TULP4: variants seen among roughly 807,000 people sequenced by gnomAD.
TULP4 encodes TUB like protein 4, also known as tubby-related protein 4.
A neutral mutation model predicts 129.0 loss-of-function variants in TULP4; 16 were observed. That is an observed-to-expected ratio of 0.12 (90% CI 0.08 to 0.19). The LOEUF (loss-of-function observed/expected upper bound fraction) is 0.19, where lower values mean the gene tolerates loss of function less well. Among genes scored for constraint, TULP4 ranks in the 10% least tolerant of loss-of-function variants. The probability of loss-of-function intolerance (pLI) is 1.00; values close to 1 mark genes in which losing one functional copy is unlikely to be tolerated. For synonymous variants in TULP4, 998 were observed against 854.0 expected, an observed-to-expected ratio of 1.17 and a Z score of -2.94; for missense variants, 1,842 against 2,059.1, an observed-to-expected ratio of 0.89 and a Z score of 2.04.
chr6:158,367,565 A>G (rs546651673), intron 1 of TULP4, among the ~76,000 whole-genome samples: 2 of 152,364 alleles, frequency 1.3e-5, no homozygotes, highest in African/African-American at 2.4e-5. Flanking sequence ...GACTGAACAC[A>G]AACCAAAAAC....
intron 6 of TULP4, among the ~76,000 whole-genome samples, chr6:158,461,952 G>GT (rs1215791089): frequency 2.0e-5 from 3 of 152,150 alleles, no homozygotes; most frequent in African/African-American, 7.2e-5. Context: ...GTAAGCTGGT[G>GT]TTTATCATCA....
intron 1 of TULP4, among the ~76,000 whole-genome samples, chr6:158,407,451 T>C (rs1777996622): frequency 6.6e-6 from 1 of 152,192 alleles, no homozygotes. Flanking sequence ...ACCAGTCCTG[T>C]AGTTCCTCAA....
In TULP4 at chr6:158,331,747, G is replaced by GTATATATATATA. The variant is rs1194424498; in HGVS notation, c.252+17485_252+17486insTATATATATATA. 4.1e-4 allele frequency among the ~76,000 whole-genome samples: 12 copies of GTATATATATATA among 29,220 alleles called. 2 individuals carry two copies. The highest frequency in any genetic ancestry group is 1.1e-3 in the Admixed American group (2 of 1,804). The allele number at this position is 29,220 out of a possible 152,430, so 19.2% of individuals were successfully genotyped here. A position where few individuals can be genotyped will look rare whatever the true frequency, so the allele number is the denominator to read the frequency against. Reference sequence around the variant, plus strand: ...CACACACATACGTATATATATACGTGTATATACACGTGTATATATACACGT... The same window carrying GTATATATATATA: ...CACACACATACGTATATATATACGTGTATATATATATATATATACACGTGTATATATACACGT... On this transcript the variant is annotated intron_variant, in intron 1 of 13. Coordinates refer to ENST00000367097, the MANE Select transcript of TULP4 (RefSeq NM_020245.5).
At chr6:158,312,055 G>C (rs1282492237), upstream of TULP4, 1 of 379,086 alleles carries the variant, frequency 2.6e-6, no homozygotes, top group Non-Finnish European at 4.6e-6. Flanking sequence ...AAACAGATTT[G>C]TAAGACTCCA....
chr6:158,370,502 C>T (rs1777048614), intron 1 of TULP4, among the ~76,000 whole-genome samples: 1 of 150,500 alleles, frequency 6.6e-6, no homozygotes, highest in Non-Finnish European at 1.5e-5. Flanking sequence ...CACTGCACTC[C>T]AGCCTGAATG....
chr6:158,481,912 G>T (rs1779955582), intron 8 of TULP4, among the ~76,000 whole-genome samples: 1 of 152,156 alleles, frequency 6.6e-6, no homozygotes. Context: ...CAGAGGGAAG[G>T]GACTTTGTTC....
At chr6:158,369,810 A>T (rs1777033335) in intron 1 of TULP4, among the ~76,000 whole-genome samples, 1 of 152,150 alleles carries the variant, frequency 6.6e-6, no homozygotes, top group South Asian at 2.1e-4. Flanking sequence ...TGGCAAGCAG[A>T]CAGAGGGGGA....
chr6:158,312,386 G>A (rs563226661), upstream of TULP4: 200 of 346,782 alleles, frequency 5.8e-4, no homozygotes, highest in African/African-American at 3.8e-3. Context: ...AAAAATTTGC[G>A]CAGATTAAAC....
chr6:158,306,931 G>A (rs1779225496), intron 1 of TULP4, among the ~76,000 whole-genome samples: 1 of 152,040 alleles, frequency 6.6e-6, no homozygotes, highest in Non-Finnish European at 1.5e-5. Flanking sequence ...GAGGTGGGAG[G>A]ATTTTTTTGA....
At chr6:158,357,681 G>C (rs1428040525) in intron 1 of TULP4, among the ~76,000 whole-genome samples, 2 of 152,166 alleles carry the variant, frequency 1.3e-5, no homozygotes, top group Non-Finnish European at 2.9e-5. Flanking sequence ...GCCGAGGCCT[G>C]GCCTTCCCTG....
intron 1 of TULP4, among the ~76,000 whole-genome samples, chr6:158,371,769 GA>G (rs1777075178): frequency 6.6e-6 from 1 of 152,222 alleles, no homozygotes; most frequent in Admixed American, 6.5e-5. Flanking sequence ...GAGGCCATTT[GA>G]AAGTATTCAT....
intron 1 of TULP4, among the ~76,000 whole-genome samples, chr6:158,359,888 C>T (rs1429149964): frequency 6.6e-6 from 1 of 152,196 alleles, no homozygotes; most frequent in East Asian, 1.9e-4. Context: ...TTCTGTGGGC[C>T]TGTCCCTGTG....
intron 1 of TULP4, among the ~76,000 whole-genome samples, chr6:158,306,119 AT>A (rs1310457139): frequency 1.3e-5 from 2 of 152,144 alleles, no homozygotes; most frequent in African/African-American, 4.8e-5. Flanking sequence ...AAACTGCCAT[AT>A]TTGTCTAGCA....
At chr6:158,401,488 G>A (rs1276151807) in intron 1 of TULP4, among the ~76,000 whole-genome samples, 2 of 152,202 alleles carry the variant, frequency 1.3e-5, no homozygotes, top group East Asian at 3.8e-4. Flanking sequence ...TGTGTCAGAA[G>A]TGTGAAGTGA....
intron 1 of TULP4, among the ~76,000 whole-genome samples, chr6:158,349,541 C>T (rs1159112176): frequency 2.1e-5 from 3 of 139,986 alleles, no homozygotes. Flanking sequence ...AGAGGCGCTC[C>T]TCACATCCCA....
intron 1 of TULP4, among the ~76,000 whole-genome samples, chr6:158,332,061 A>C (rs1779908000): frequency 6.7e-6 from 1 of 148,672 alleles, no homozygotes; most frequent in South Asian, 2.1e-4. Flanking sequence ...AATCCTAGCT[A>C]CTCAGGAGGC....
At chr6:158,365,830 C>T (rs1780932948) in intron 1 of TULP4, among the ~76,000 whole-genome samples, 1 of 146,292 alleles carries the variant, frequency 6.8e-6, no homozygotes, top group Non-Finnish European at 1.5e-5. Flanking sequence ...TTTATTTTGT[C>T]AGGAGAAAAT....
At position 158,257,447 on chromosome 6, in the gene TULP4, AT is replaced by A. The variant is rs1254596153; in HGVS notation, n.68+25149del. Among the ~76,000 whole-genome samples, 302 of 152,246 alleles carry A rather than the reference AT, an allele frequency of 2.0e-3. 4 individuals carry two copies. Among genetic ancestry groups the A allele is most frequent in the African/African-American group, 6.5e-3 (272 of 41,538 alleles). ...CATAACAAAATATATTATTGTAATCATTTTTCAATGTACAGTTCAGGGCCAT... is the reference window on the plus strand; with the variant it reads ...CATAACAAAATATATTATTGTAATCATTTTCAATGTACAGTTCAGGGCCAT... On this transcript the variant is annotated intron_variant and non_coding_transcript_variant, in intron 1 of 1. Transcript: ENST00000620026.
At chr6:158,396,978 G>C (rs1406009630) in intron 1 of TULP4, among the ~76,000 whole-genome samples, 1 of 152,188 alleles carries the variant, frequency 6.6e-6, no homozygotes, top group East Asian at 1.9e-4. Flanking sequence ...ATCATGATGA[G>C]ATTGAATAGC....
Sources: allele counts gnomAD v4.1 joint callset (sites outside exome capture counted in the v4.1 genomes callset), GRCh38; gene constraint gnomAD v4.1.1; transcripts MANE v1.5; gene names NCBI Gene and HGNC (gene_info 2026-07-23, HGNC 2026-07-21).